The following SLC5A10 variants were observed in gnomAD, a reference collection of about 807,000 sequenced individuals.
The protein encoded by SLC5A10 is sodium/mannose cotransporter SLC5A10.
In SLC5A10, 55 loss-of-function variants were observed where a neutral mutation model predicts 68.9. The observed-to-expected ratio is 0.80, with a 90% CI of 0.64 to 1.00. The LOEUF is 1.00. Among genes scored for constraint, SLC5A10 ranks in the 50% least tolerant of loss-of-function variants. SLC5A10 has a pLI of 0.00. For synonymous variants in SLC5A10, 344 were observed against 344.8 expected, an observed-to-expected ratio of 1.00 and a Z score of 0.02; for missense variants, 732 against 819.3, an observed-to-expected ratio of 0.89 and a Z score of 1.30.
Position 19,003,723 on chromosome 17 carries a change from C to A in SLC5A10, c.983-9687C>A, listed in dbSNP as rs748232969. On this transcript the variant is annotated intron_variant, in intron 9 of 14. Coordinates refer to ENST00000395645, the MANE Select transcript of SLC5A10 (RefSeq NM_001042450.4). The surrounding 1 kb of genome is among the most constrained non-coding windows in gnomAD (Gnocchi z 4.5). Reference sequence around the variant, plus strand: ...GGCAGCGGCTCGGCCTCGATGGGGACCCCATCCGCCCCGCTGGCTTCCTCG... The same window carrying A: ...GGCAGCGGCTCGGCCTCGATGGGGAACCCATCCGCCCCGCTGGCTTCCTCG... The A allele has an allele frequency of 6.9e-6, 11 of 1,603,580 alleles. No homozygotes were observed. Among genetic ancestry groups the A allele is most frequent in the African/African-American group, 1.3e-5 (1 of 74,518 alleles).
intron 9 of SLC5A10, chr17:18,977,721 G>A: frequency 6.2e-7 from 1 of 1,608,638 alleles, no homozygotes; most frequent in Non-Finnish European, 8.5e-7. Flanking sequence ...GGGGCACTCA[G>A]CTGCCGGCGC....
At chr17:18,970,523 C>CACA in intron 7 of SLC5A10, 1 of 174,132 alleles carries the variant, frequency 5.7e-6, no homozygotes, top group South Asian at 1.3e-4. Flanking sequence ...TCTCCCTCTT[C>CACA]TCTGTGCCTC....
chr17:19,022,089 G>A lies in SLC5A10; in HGVS notation c.*1658G>A, dbSNP rs1377686354. The A allele has an allele frequency of 1.3e-6, 2 of 1,587,486 alleles. No individual in the cohort carries two copies. The highest frequency in any genetic ancestry group is 1.7e-6 in the Non-Finnish European group (2 of 1,167,736). On this transcript the variant is annotated 3_prime_UTR_variant, in exon 15 of 15. Transcript: ENST00000395645. ...GTCGCCACGGCGGAAGCTGAGCTGC[G>A]AGGGGTCCTGGGCTGAGAAGTCAAA...
chr17:19,020,266 G>C, intron 14 of SLC5A10, 54 bp downstream of exon 14: 2 of 1,613,560 alleles, frequency 1.2e-6, no homozygotes, highest in South Asian at 1.1e-5. Context: ...TGGAGGCAAG[G>C]GCACCAGGTG....
chr17:18,985,239 C>T (rs1003539792), intron 9 of SLC5A10, among the ~76,000 whole-genome samples: 3 of 152,256 alleles, frequency 2.0e-5, no homozygotes, highest in African/African-American at 7.2e-5. Flanking sequence ...CTTCACTCTT[C>T]ACAGCACCCC....
chr17:18,951,355 T>TG (rs1278897196), upstream of SLC5A10, among the ~76,000 whole-genome samples: 1 of 133,114 alleles, frequency 7.5e-6, no homozygotes, highest in Non-Finnish European at 1.6e-5. Context: ...GGCTGCGTAA[T>TG]GGCGGATGGC....
At chr17:18,990,412 T>G (rs1368940174) in intron 9 of SLC5A10, among the ~76,000 whole-genome samples, 1 of 152,068 alleles carries the variant, frequency 6.6e-6, no homozygotes, top group Non-Finnish European at 1.5e-5. Context: ...AGAATCTCCT[T>G]AGTTAAGCCA....
intron 9 of SLC5A10, among the ~76,000 whole-genome samples, chr17:18,983,759 T>C (rs556698251): frequency 1.3e-5 from 2 of 152,152 alleles, no homozygotes; most frequent in African/African-American, 4.8e-5. Context: ...TGTTGTGAAG[T>C]TGGGGTGGTG....
chr17:18,970,791 T>C (rs1018081238), intron 7 of SLC5A10: 2 of 571,536 alleles, frequency 3.5e-6, no homozygotes, highest in Non-Finnish European at 6.2e-6. Context: ...GCTTACTTAA[T>C]AGTATTATTT....
chr17:18,959,059 G>T, intron 2 of SLC5A10, 76 bp from the exon 3 acceptor site: 3 of 1,415,794 alleles, frequency 2.1e-6, no homozygotes, highest in Non-Finnish European at 2.9e-6. Context: ...GTGAGGATGA[G>T]GGAGAAGCTA....
In SLC5A10 at chr17:18,971,619, T is replaced by C. The variant is rs752080899; in HGVS notation, c.846+401T>C. The C allele has an allele frequency of 7.9e-5, 127 of 1,613,170 alleles. No homozygotes were observed. Among genetic ancestry groups the C allele is most frequent in the Non-Finnish European group, 1.1e-4 (126 of 1,179,882 alleles). On this transcript the variant is annotated intron_variant, in intron 8 of 14. Transcript: ENST00000395645. The surrounding 1 kb of genome is among the most constrained non-coding windows in gnomAD (Gnocchi z 5.5). ...GCCTGCCAGTGGTGGGGGCCAGCCA[T>C]GGCTGGGCCAGCGTTTCTGGTAGAG... is the stretch of plus-strand genomic sequence containing the variant.
At chr17:19,005,076 G>C (rs1011228255) in intron 9 of SLC5A10, among the ~76,000 whole-genome samples, 1 of 152,326 alleles carries the variant, frequency 6.6e-6, no homozygotes, top group South Asian at 2.1e-4. Flanking sequence ...ATCAACCCTG[G>C]CTGTGCCCAG....
At chr17:18,988,518 GT>G in intron 9 of SLC5A10, 1 of 1,545,064 alleles carries the variant, frequency 6.5e-7, no homozygotes, top group Admixed American at 1.8e-5. Flanking sequence ...CCTCTCACAG[GT>G]GCCCACTCTG....
Position 19,017,036 on chromosome 17 carries a change from G to A in SLC5A10, c.1241+1837G>A, listed in dbSNP as rs918353457. 6.6e-5 allele frequency among the ~76,000 whole-genome samples: 10 copies of A among 152,108 alleles called. No homozygotes were observed. Among genetic ancestry groups the A allele is most frequent in the African/African-American group, 2.4e-4 (10 of 41,396 alleles). Reference sequence around the variant, plus strand: ...AAGTCTTGACCTGGCCTCCTGCTGCGCCAGCTCACCCAGCTGCCCGTGCCC... The same window carrying A: ...AAGTCTTGACCTGGCCTCCTGCTGCACCAGCTCACCCAGCTGCCCGTGCCC... On this transcript the variant is annotated intron_variant, in intron 11 of 14. Coordinates refer to ENST00000395645, the MANE Select transcript of SLC5A10 (RefSeq NM_001042450.4). This position sits in a 1 kb window ranked among gnomAD's most constrained non-coding sequence, Gnocchi z 5.6.
chr17:18,978,130 C>A, intron 9 of SLC5A10: 1 of 1,520,556 alleles, frequency 6.6e-7, no homozygotes, highest in African/African-American at 1.4e-5. Flanking sequence ...GTACATCTGC[C>A]ACAGGGACTG....
intron 9 of SLC5A10, among the ~76,000 whole-genome samples, chr17:18,995,784 T>G (rs2043552062): frequency 6.6e-6 from 1 of 152,060 alleles, no homozygotes; most frequent in African/African-American, 2.4e-5. Context: ...GGCATGTGCC[T>G]ATAATCCCAG....
At position 18,971,023 on chromosome 17, in the gene SLC5A10, G is replaced by A. The variant is rs757287574; in HGVS notation, c.651G>A (p.Gln217=). The A allele has an allele frequency of 1.2e-5, 20 of 1,613,804 alleles. No individual in the cohort carries two copies. Among genetic ancestry groups the A allele is most frequent in the Non-Finnish European group, 1.6e-5 (19 of 1,180,016 alleles). Residue 217 remains glutamine (Q), a synonymous_variant, in exon 8 of 15, where the codon CAG becomes CAA. Transcript: ENST00000395645. The surrounding 1 kb of genome is among the most constrained non-coding windows in gnomAD (Gnocchi z 5.5). ...CCCTGACCCCTCCAGCTTTTGACCAGATCGGTGGTTACGGGCAGCTGGAGG... is the reference window on the plus strand; with the variant it reads ...CCCTGACCCCTCCAGCTTTTGACCAAATCGGTGGTTACGGGCAGCTGGAGG... ...AVILTIKAFD[Q]IGGYGQLEAA...
intron 9 of SLC5A10, among the ~76,000 whole-genome samples, chr17:19,011,006 T>C (rs1262932440): frequency 1.3e-5 from 2 of 152,216 alleles, no homozygotes; most frequent in Admixed American, 1.3e-4. Flanking sequence ...CTCCCCACCA[T>C]GCAGTCACTT....
At chr17:18,955,917 G>A (rs898826864) in intron 1 of SLC5A10, among the ~76,000 whole-genome samples, 5 of 152,096 alleles carry the variant, frequency 3.3e-5, no homozygotes, top group African/African-American at 1.2e-4. Flanking sequence ...TAAATAGGCC[G>A]GGCGCGGTGG....
Sources: gnomAD v4.1 joint callset for allele counts (sites outside exome capture counted in the v4.1 genomes callset) on GRCh38, gnomAD v4.1.1 for gene constraint, Gnocchi (gnomAD v3.1) non-coding constraint, MANE v1.5 for transcripts, NCBI Gene and HGNC (gene_info 2026-07-23, HGNC 2026-07-21) for gene names.